Variants in TMEM114 observed in about 807,000 individuals in gnomAD.
TMEM114 encodes claudin-26.
Under a neutral mutation model 6.2 loss-of-function variants are expected in TMEM114, and 6 were observed. The ratio of observed to expected loss-of-function variants is 0.97; its 90% CI spans 0.53 to 1.91. The LOEUF (loss-of-function observed/expected upper bound fraction) is 1.91, where lower values mean the gene tolerates loss of function less well. Among genes scored for constraint, TMEM114 ranks in the 40% most tolerant of loss-of-function variants. TMEM114 has a pLI of 0.01. For missense variants in TMEM114, 218 were observed against 158.3 expected (o/e 1.38, Z -2.02); for synonymous variants, 104 against 73.0 (o/e 1.42, Z -2.16).
chr16:8,588,121 A>G (rs905477612), intron 2 of TMEM114, among the ~76,000 whole-genome samples: 2 of 152,080 alleles, frequency 1.3e-5, no homozygotes, highest in Non-Finnish European at 2.9e-5. Flanking sequence ...CTCCATTTGT[A>G]CTAGAAATAT....
rs1197645735 is a variant in TMEM114 at position 8,572,229 on chromosome 16, G to T, written c.302-5C>A. 6.4e-7 allele frequency: 1 copy of T among 1,551,646 alleles called. No homozygotes were observed. Among genetic ancestry groups the T allele is most frequent in the Non-Finnish European group, 8.7e-7 (1 of 1,146,974 alleles). ...TCACAAATGTCCCATGCATGGCTTA[G>T]AAGAGACAGAGAGGATACCAGGCAG... On this transcript the variant is annotated splice_region_variant and splice_polypyrimidine_tract_variant and intron_variant, in intron 2 of 3. Coordinates refer to ENST00000620492, the MANE Select transcript of TMEM114 (RefSeq NM_001146336.2).
downstream of TMEM114, chr16:8,537,561 C>G (rs1029216190): frequency 1.3e-5 from 2 of 152,110 alleles, no homozygotes; most frequent in African/African-American, 4.8e-5. Flanking sequence ...AAATCTGCCA[C>G]CAGGATATAA....
chr16:8,556,630 T>A (rs1452804991), intron 2 of TMEM114, among the ~76,000 whole-genome samples: 1 of 152,012 alleles, frequency 6.6e-6, no homozygotes, highest in African/African-American at 2.4e-5. Context: ...GCCTCCTGAA[T>A]AGCTGGGATT....
At chr16:8,546,424 C>G (rs1900667246) in intron 2 of TMEM114, among the ~76,000 whole-genome samples, 1 of 152,164 alleles carries the variant, frequency 6.6e-6, no homozygotes, top group South Asian at 2.1e-4. Flanking sequence ...TAGCCAGACT[C>G]TATATAAAGA....
chr16:8,572,359 A>C (rs935112926), intron 2 of TMEM114, 135 bp from the exon 3 acceptor site: 1 of 909,446 alleles, frequency 1.1e-6, no homozygotes, highest in East Asian at 2.7e-5. Flanking sequence ...GATTACTTCT[A>C]CTGTTTCTGA....
At chr16:8,573,376 A>G (rs533557415) in intron 2 of TMEM114, among the ~76,000 whole-genome samples, 38 of 152,296 alleles carry the variant, frequency 2.5e-4, no homozygotes, top group African/African-American at 8.7e-4. Context: ...GAGAACTCCC[A>G]AGCCCAAACA....
intron 2 of TMEM114, among the ~76,000 whole-genome samples, chr16:8,584,870 C>T (rs1277468177): frequency 2.8e-5 from 4 of 143,134 alleles, no homozygotes; most frequent in South Asian, 2.2e-4. Context: ...TGCAGTGAGC[C>T]GAGATCGCGC....
chr16:8,560,482 T>C (rs530382566), intron 2 of TMEM114, among the ~76,000 whole-genome samples: 1 of 152,260 alleles, frequency 6.6e-6, no homozygotes, highest in South Asian at 2.1e-4. Flanking sequence ...GGGTGGCCCA[T>C]CCTCAGCGAC....
chr16:8,582,720 T>C (rs1285836766), intron 2 of TMEM114, among the ~76,000 whole-genome samples: 1 of 152,106 alleles, frequency 6.6e-6, no homozygotes, highest in South Asian at 2.1e-4. Flanking sequence ...TGAATCCCCA[T>C]CTCTACTAAA....
At chr16:8,558,519 C>G (rs1901090162) in intron 2 of TMEM114, among the ~76,000 whole-genome samples, 1 of 152,194 alleles carries the variant, frequency 6.6e-6, no homozygotes, top group Non-Finnish European at 1.5e-5. Flanking sequence ...TTCATCTTAA[C>G]TATAGTAATT....
intron 2 of TMEM114, among the ~76,000 whole-genome samples, chr16:8,563,435 CAATGAGTAAGTGAATGAGTGAGTG>C (rs1387478456): frequency 1.2e-4 from 2 of 16,426 alleles, no homozygotes; most frequent in Admixed American, 6.5e-4. Context: ...ATGAGTGAGG[CAATGAGTAAGTGAATGAGTGAGTG>C]AATGAGTAAG....
Position 8,573,128 on chromosome 16 carries a change from G to GA in TMEM114, c.302-905dup, listed in dbSNP as rs535431965. ...TGCATCATGCAAGCTTTTTGGATGG[G>GA]AAAAAGCTTTTTGGGGGAGCAGGGA... On this transcript the variant is annotated intron_variant, in intron 2 of 3. Coordinates refer to ENST00000620492, the MANE Select transcript of TMEM114 (RefSeq NM_001146336.2). 3.3e-3 allele frequency among the ~76,000 whole-genome samples: 504 copies of GA among 152,294 alleles called. 4 individuals are homozygous for GA. The highest frequency in any genetic ancestry group is 0.012 in the African/African-American group (485 of 41,558).
downstream of TMEM114, among the ~76,000 whole-genome samples, chr16:8,565,479 C>T (rs952462289): frequency 2.0e-5 from 3 of 152,140 alleles, no homozygotes; most frequent in African/African-American, 4.8e-5. Context: ...GGGGACAAAT[C>T]GTGGCTGAGC....
At chr16:8,560,892 T>A (rs1158574538) in intron 2 of TMEM114, among the ~76,000 whole-genome samples, 3 of 152,002 alleles carry the variant, frequency 2.0e-5, no homozygotes, top group Non-Finnish European at 4.4e-5. Flanking sequence ...GAAAAAGAGA[T>A]TTAATGGACT....
intron 2 of TMEM114, among the ~76,000 whole-genome samples, chr16:8,557,369 G>T (rs1265922423): frequency 6.6e-6 from 1 of 152,134 alleles, no homozygotes; most frequent in African/African-American, 2.4e-5. Flanking sequence ...TGTAGCCCAT[G>T]GGGAGAGCCA....
At chr16:8,541,417 A>AT (rs1185824443) in intron 2 of TMEM114, among the ~76,000 whole-genome samples, 2 of 151,866 alleles carry the variant, frequency 1.3e-5, no homozygotes, top group African/African-American at 4.9e-5. Context: ...ATATCTCAGG[A>AT]TAAAAAAAAA....
At chr16:8,561,284 T>G (rs555530435) in intron 2 of TMEM114, among the ~76,000 whole-genome samples, 2 of 152,164 alleles carry the variant, frequency 1.3e-5, no homozygotes, top group Admixed American at 6.5e-5. Flanking sequence ...CAAGGCAAAA[T>G]TAGGAGGAAG....
At chr16:8,541,680 G>A (rs1200616143) in intron 2 of TMEM114, among the ~76,000 whole-genome samples, 1 of 152,176 alleles carries the variant, frequency 6.6e-6, no homozygotes, top group Non-Finnish European at 1.5e-5. Context: ...AAATGAGTGA[G>A]AAACAGCAGT....
intron 2 of TMEM114, among the ~76,000 whole-genome samples, chr16:8,550,800 C>A (rs1177287052): frequency 1.3e-5 from 2 of 152,132 alleles, no homozygotes; most frequent in Non-Finnish European, 2.9e-5. Context: ...CATATCCACA[C>A]ATGCTTGTGG....
Sources: gnomAD v4.1 joint callset for allele counts (sites outside exome capture counted in the v4.1 genomes callset) on GRCh38, gnomAD v4.1.1 for gene constraint, MANE v1.5 for transcripts, NCBI Gene and HGNC (gene_info 2026-07-23, HGNC 2026-07-21) for gene names.